The following ASCC3 variants were observed in gnomAD, a reference collection of about 807,000 sequenced individuals.
ASCC3 encodes the protein activating signal cointegrator 1 complex subunit 3.
In ASCC3, 158 loss-of-function variants were observed where a neutral mutation model predicts 256.3. The ratio of observed to expected loss-of-function variants is 0.62; its 90% CI spans 0.54 to 0.70. The LOEUF is 0.70. ASCC3 is among the 30% of genes least tolerant of loss of function. ASCC3 has a pLI of 0.00. For synonymous variants in ASCC3, 948 were observed against 883.4 expected, an observed-to-expected ratio of 1.07 and a Z score of -1.30; for missense variants, 2,259 against 2,626.0, an observed-to-expected ratio of 0.86 and a Z score of 3.05.
At chr6:100,568,616 G>C (rs914798760) in intron 36 of ASCC3, among the ~76,000 whole-genome samples, 26 of 151,718 alleles carry the variant, frequency 1.7e-4, no homozygotes, top group African/African-American at 5.5e-4. Context: ...TTGGACACAT[G>C]GTTTGTGAAT....
intron 8 of ASCC3, among the ~76,000 whole-genome samples, chr6:100,775,026 C>CA (rs1412667738): frequency 1.3e-5 from 2 of 152,008 alleles, no homozygotes; most frequent in Non-Finnish European, 2.9e-5. Context: ...GAGCAGACTA[C>CA]AAAAAATCAC....
intron 11 of ASCC3, 125 bp downstream of exon 11, chr6:100,725,414 A>G: frequency 1.8e-6 from 2 of 1,132,286 alleles, no homozygotes; most frequent in African/African-American, 1.6e-5. Flanking sequence ...CCCTTTTAAA[A>G]ATATGAAGAT....
chr6:100,593,939 G>A (rs1296104547), intron 34 of ASCC3, among the ~76,000 whole-genome samples: 1 of 151,990 alleles, frequency 6.6e-6, no homozygotes, highest in Non-Finnish European at 1.5e-5. Flanking sequence ...GTTAATGTGT[G>A]TGTGTATGTT....
At chr6:100,557,893 C>A (rs1428876216) in intron 36 of ASCC3, among the ~76,000 whole-genome samples, 1 of 148,562 alleles carries the variant, frequency 6.7e-6, no homozygotes, top group Admixed American at 6.7e-5. Flanking sequence ...TTGAGGGGAT[C>A]ACCCCCCCCA....
intron 30 of ASCC3, among the ~76,000 whole-genome samples, chr6:100,617,953 C>T (rs1217842093): frequency 6.6e-6 from 1 of 152,230 alleles, no homozygotes; most frequent in Non-Finnish European, 1.5e-5. Flanking sequence ...GTTCATTTCA[C>T]AGTCTCTGTG....
At chr6:100,675,232 C>A (rs1469095042) in intron 14 of ASCC3, among the ~76,000 whole-genome samples, 2 of 151,334 alleles carry the variant, frequency 1.3e-5, no homozygotes, top group Non-Finnish European at 2.9e-5. Context: ...ACTATATTAG[C>A]CTCCAAGAGG....
intron 13 of ASCC3, among the ~76,000 whole-genome samples, chr6:100,687,603 T>A (rs1168942668): frequency 6.6e-6 from 1 of 152,120 alleles, no homozygotes; most frequent in Admixed American, 6.5e-5. Context: ...TATAATAATA[T>A]ATTCATAATA....
At chr6:100,763,151 A>G (rs1781491247) in intron 10 of ASCC3, among the ~76,000 whole-genome samples, 1 of 152,210 alleles carries the variant, frequency 6.6e-6, no homozygotes, top group African/African-American at 2.4e-5. Context: ...TGCTTTCTCT[A>G]TAGCCTAATC....
At chr6:100,606,627 T>C in intron 32 of ASCC3, 113 bp downstream of exon 32, 1 of 1,222,282 alleles carries the variant, frequency 8.2e-7, no homozygotes, top group Non-Finnish European at 1.1e-6. Context: ...TCTGTTTAAA[T>C]GTGACCAATT....
Position 100,567,599 on chromosome 6 carries a change from T to C in ASCC3, c.5550+22035A>G, listed in dbSNP as rs150259076. 3.9e-5 allele frequency among the ~76,000 whole-genome samples: 6 copies of C among 152,302 alleles called. No individual in the cohort carries two copies. The East Asian group carries it at 1.2e-3, about 29-fold the overall frequency. On this transcript the variant is annotated intron_variant, in intron 36 of 41. Coordinates refer to ENST00000369162, the MANE Select transcript of ASCC3 (RefSeq NM_006828.4). ...TAGCAGTCTCCAGTGTCTACAGTCATCTTTGTGTCCATGAGTACCCACTGT... is the reference window on the plus strand; with the variant it reads ...TAGCAGTCTCCAGTGTCTACAGTCACCTTTGTGTCCATGAGTACCCACTGT...
At chr6:100,851,547 C>G (rs1343599426) in intron 3 of ASCC3, among the ~76,000 whole-genome samples, 2 of 152,096 alleles carry the variant, frequency 1.3e-5, no homozygotes, top group African/African-American at 4.8e-5. Context: ...CAAAGATCAA[C>G]TTTTTTGGAG....
At chr6:100,676,668 A>T (rs1197251595) in intron 14 of ASCC3, among the ~76,000 whole-genome samples, 2 of 152,228 alleles carry the variant, frequency 1.3e-5, no homozygotes, top group Non-Finnish European at 2.9e-5. Context: ...TTACTACCAG[A>T]GAGAAAAGAC....
Position 100,627,712 on chromosome 6 carries a change from T to C in ASCC3, c.4522-2A>G. The C allele has an allele frequency of 6.2e-7, 1 of 1,613,492 alleles. No individual in the cohort carries two copies. The highest frequency in any genetic ancestry group is 8.5e-7 in the Non-Finnish European group (1 of 1,179,676). On this transcript the variant is annotated splice_acceptor_variant, in intron 28 of 41. Coordinates refer to ENST00000369162, the MANE Select transcript of ASCC3 (RefSeq NM_006828.4). LOFTEE classifies it high-confidence loss of function. ...TGGTCGGAAGTTAAACAAGCCCATC[T>C]AGAGTAAATATGAGAGAGAAACCAT...
At chr6:100,749,773 T>C (rs1277211336) in intron 10 of ASCC3, among the ~76,000 whole-genome samples, 1 of 151,832 alleles carries the variant, frequency 6.6e-6, no homozygotes, top group Non-Finnish European at 1.5e-5. Context: ...TAATTTCCTT[T>C]AGAAAACTAT....
At chr6:100,709,417 A>G (rs1168245381) in intron 13 of ASCC3, among the ~76,000 whole-genome samples, 3 of 152,186 alleles carry the variant, frequency 2.0e-5, no homozygotes, top group Admixed American at 2.0e-4. Flanking sequence ...GGTTTTATCA[A>G]CACAAACACC....
rs754714195 is a variant in ASCC3, at chr6:100,651,609, C to A, written c.3026G>T (p.Gly1009Val). ...TTTGGAGACTATGGCAAAGATATCA[C>A]CTTCTGTTTTGTGAGCATCAAAGAG... is the stretch of plus-strand genomic sequence containing the variant. ...NELFDAHKTE[G>V]DIFAIVSKAE... The change falls in exon 19 of 42, where the codon GGT becomes GTT. Residue 1009 changes from glycine to valine, a missense_variant. Physicochemically the swap from Gly to Val is moderately radical, Grantham distance 109 (BLOSUM62 -3). Around this residue, in one of 2 missense-constraint regions of ASCC3, gnomAD observed 1,839 missense variants for 2,206.7 expected, o/e 0.83. Coordinates refer to ENST00000369162, the MANE Select transcript of ASCC3 (RefSeq NM_006828.4). 8 of 1,589,176 alleles carry A rather than the reference C, an allele frequency of 5.0e-6. No homozygotes were observed. Among genetic ancestry groups the A allele is most frequent in the Non-Finnish European group, 5.1e-6 (6 of 1,165,466 alleles).
At chr6:100,656,624 G>T (rs79872732) in intron 16 of ASCC3, among the ~76,000 whole-genome samples, 4,554 of 151,158 alleles carry the variant, frequency 0.03, 74 homozygotes, top group African/African-American at 0.055. Flanking sequence ...GAAATCAAAG[G>T]TTAATAATTT....
chr6:100,858,364 C>G lies in ASCC3; in HGVS notation c.241+5700G>C, dbSNP rs563335329. The G allele has an allele frequency of 1.5e-4, 40 of 261,960 alleles. No homozygotes were observed. In the South Asian group the frequency reaches 5.5e-3, roughly 36 times the overall value. The allele number at this position is 261,960 out of a possible 1,614,324, so 16.2% of individuals were successfully genotyped here. On this transcript the variant is annotated intron_variant, in intron 3 of 41. Transcript: ENST00000369162. The stretch of plus-strand genomic sequence containing the variant: ...CAAGGATTTTTAATACAGTGAGAAA[C>G]AGAAGTGGTAACAGGCATTTGTGTC...
chr6:100,662,148 C>G (rs2114932484), intron 15 of ASCC3, 118 bp from the exon 16 acceptor site: 1 of 1,147,294 alleles, frequency 8.7e-7, no homozygotes. Context: ...TTAACTAATC[C>G]TTTCATCATC....
Sources: allele counts gnomAD v4.1 joint callset (sites outside exome capture counted in the v4.1 genomes callset), GRCh38; gene constraint gnomAD v4.1.1; regional missense constraint gnomAD v4.1.1; transcripts MANE v1.5; gene names NCBI Gene and HGNC (gene_info 2026-07-23, HGNC 2026-07-21).